GAK: variants seen among roughly 807,000 people sequenced by gnomAD.
GAK encodes the protein cyclin G associated kinase.
Under a neutral mutation model 143.9 loss-of-function variants are expected in GAK, and 79 were observed. The observed-to-expected ratio is 0.55, with a 90% CI of 0.46 to 0.66. GAK has a LOEUF of 0.66. GAK is among the 30% of genes least tolerant of loss of function. The pLI is 0.00. For synonymous variants in GAK, 881 were observed against 765.5 expected, an observed-to-expected ratio of 1.15 and a Z score of -2.49; for missense variants, 1,693 against 1,779.7, an observed-to-expected ratio of 0.95 and a Z score of 0.88.
At chr4:930,168 A>C (rs987835624) in intron 1 of GAK, among the ~76,000 whole-genome samples, 1 of 152,126 alleles carries the variant, frequency 6.6e-6, no homozygotes, top group Non-Finnish European at 1.5e-5. Flanking sequence ...TTCAGACAAA[A>C]CTTAATTAAG....
intron 18 of GAK, among the ~76,000 whole-genome samples, chr4:874,209 G>A (rs1263471401): frequency 6.6e-6 from 1 of 152,142 alleles, no homozygotes; most frequent in African/African-American, 2.4e-5. Flanking sequence ...CGCACGCGCT[G>A]GTGCTCCTGC....
At chr4:924,689 T>A (rs1724420998) in intron 1 of GAK, among the ~76,000 whole-genome samples, 1 of 152,208 alleles carries the variant, frequency 6.6e-6, no homozygotes, top group East Asian at 1.9e-4. Context: ...GACCGGATTA[T>A]GGGGCGGAGT....
chr4:917,221 A>G (rs897739724), intron 1 of GAK, among the ~76,000 whole-genome samples: 15 of 152,236 alleles, frequency 9.9e-5, no homozygotes, highest in Non-Finnish European at 4.4e-5. Context: ...TGGTAACAGA[A>G]GGCCAATGCC....
chr4:889,381 C>A (rs1256263106), intron 10 of GAK, among the ~76,000 whole-genome samples: 1 of 152,196 alleles, frequency 6.6e-6, no homozygotes, highest in Non-Finnish European at 1.5e-5. Flanking sequence ...AGAGTGGTGG[C>A]CCCTGGCCTG....
intron 5 of GAK, among the ~76,000 whole-genome samples, chr4:902,475 G>A (rs186240547): frequency 2.0e-5 from 3 of 151,184 alleles, no homozygotes; most frequent in Non-Finnish European, 2.9e-5. Context: ...CGTGGTGTGC[G>A]CCTGTGGTCC....
At position 932,146 on chromosome 4, in the gene GAK, T is replaced by C. The variant is rs376971594; in HGVS notation, c.42A>G (p.Pro14=). 18 of 1,581,074 alleles carry C rather than the reference T, an allele frequency of 1.1e-5. No individual in the cohort carries two copies. Among genetic ancestry groups the C allele is most frequent in the African/African-American group, 9.5e-5 (7 of 73,528 alleles). Residue 14 remains proline, a synonymous_variant, in exon 1 of 28, where the codon CCA becomes CCG. Transcript: ENST00000314167. This position sits in a 1 kb window ranked among gnomAD's most constrained non-coding sequence, Gnocchi z 4.0. Reference sequence around the variant, plus strand: ...GGCCGGAAGCACCGCCCAGGGAGCCTGGACCCGCCAAGAAGTCGAGCGCCG... The same window carrying C: ...GGCCGGAAGCACCGCCCAGGGAGCCCGGACCCGCCAAGAAGTCGAGCGCCG... ...LQSALDFLAG[P]GSLGGASGRD... is the part of the protein sequence containing the mutation.
At chr4:895,900 G>T (rs912751242) in intron 7 of GAK, among the ~76,000 whole-genome samples, 2 of 152,176 alleles carry the variant, frequency 1.3e-5, no homozygotes, top group South Asian at 2.1e-4. Flanking sequence ...CGGGGCCGAG[G>T]GGAGCCTCAG....
In GAK at chr4:916,718, G is replaced by A. The variant is rs181028585; in HGVS notation, c.146-3050C>T. Among the ~76,000 whole-genome samples, 71 of 152,290 alleles carry A rather than the reference G, an allele frequency of 4.7e-4. 1 individual carries two copies. Among genetic ancestry groups the A allele is most frequent in the Admixed American group, 9.8e-4 (15 of 15,296 alleles). On this transcript the variant is annotated intron_variant, in intron 1 of 27. Coordinates refer to ENST00000314167, the MANE Select transcript of GAK (RefSeq NM_005255.4). Reference sequence around the variant, plus strand: ...CCAAGTGTCGCTGAGGATGTGGAGCGACTGGAATGCTTATGCACAGCTTTT... The same window carrying A: ...CCAAGTGTCGCTGAGGATGTGGAGCAACTGGAATGCTTATGCACAGCTTTT...
At position 882,040 on chromosome 4, in the gene GAK, C is replaced by T. The variant is rs1715231993; in HGVS notation, c.1528G>A (p.Asp510Asn). 4 of 1,602,470 alleles carry T rather than the reference C, an allele frequency of 2.5e-6. No individual in the cohort carries two copies. The highest frequency in any genetic ancestry group is 2.6e-6 in the Non-Finnish European group (3 of 1,174,722). ...HKNVCVVHCM[D>N]GRAASAVAVC... Reference sequence around the variant, plus strand: ...GCCACAGCAGACGCGGCTCTCCCGTCCTAGGACAGACAGACACGTCTCGCG... The same window carrying T: ...GCCACAGCAGACGCGGCTCTCCCGTTCTAGGACAGACAGACACGTCTCGCG... Residue 510 changes from aspartate (D) to asparagine (N), a missense_variant and splice_region_variant, in exon 15 of 28, where the codon GAC (aspartate) becomes AAC (asparagine). This residue lies in a region of GAK where 871 missense variants were observed against 991.0 expected (regional missense o/e 0.88). Transcript: ENST00000314167.
chr4:854,774 G>A (rs994278435), intron 24 of GAK, among the ~76,000 whole-genome samples: 1 of 152,182 alleles, frequency 6.6e-6, no homozygotes, highest in African/African-American at 2.4e-5. Flanking sequence ...GGCTGGGTGC[G>A]GTGGCTCACG....
At chr4:899,637 G>A (rs1719484185) in intron 5 of GAK, among the ~76,000 whole-genome samples, 1 of 152,242 alleles carries the variant, frequency 6.6e-6, no homozygotes, top group Admixed American at 6.5e-5. Flanking sequence ...ACCCAGGACA[G>A]GCTGAGGGAG....
chr4:889,018 T>G (rs1717121477), intron 10 of GAK, 48 bp from the exon 11 acceptor site: 2 of 1,561,878 alleles, frequency 1.3e-6, no homozygotes, highest in Non-Finnish European at 1.7e-6. Context: ...CGGTCCCACC[T>G]CCCCAGGTGC....
At chr4:861,562 G>A (rs1005520114) in intron 23 of GAK, among the ~76,000 whole-genome samples, 1 of 152,170 alleles carries the variant, frequency 6.6e-6, no homozygotes, top group South Asian at 2.1e-4. Flanking sequence ...CTGCACTCCA[G>A]CCACAACAAG....
At chr4:904,839 A>AG (rs1352724325) in intron 4 of GAK, 60 bp from the exon 5 acceptor site, 1 of 1,552,514 alleles carries the variant, frequency 6.4e-7, no homozygotes, top group Non-Finnish European at 8.8e-7. Flanking sequence ...CAGGGAACCT[A>AG]GGGCTGTTTC....
intron 7 of GAK, chr4:894,268 CGTT>C (rs1718312895): frequency 3.9e-6 from 1 of 256,794 alleles, no homozygotes. Context: ...GCAGGGGTGA[CGTT>C]GGGGCCGTGG....
At chr4:849,838 C>T in intron 27 of GAK, 54 bp downstream of exon 27, 4 of 1,104,914 alleles carry the variant, frequency 3.6e-6, no homozygotes, top group Non-Finnish European at 1.3e-6. Flanking sequence ...GGCAGGACCC[C>T]CCCCCCGCCC....
Position 878,575 on chromosome 4 carries a change from G to A in GAK, c.1662-766C>T, listed in dbSNP as rs570490741. On this transcript the variant is annotated intron_variant, in intron 15 of 27. Coordinates refer to ENST00000314167, the MANE Select transcript of GAK (RefSeq NM_005255.4). ...TCAGCCTTCATGGGTTGGCACATTC[G>A]GTTCTTCTATATCCCTGCTGGTGGT... Among the ~76,000 whole-genome samples, 45 of 152,278 alleles carry A rather than the reference G, an allele frequency of 3.0e-4. No homozygotes were observed. The South Asian group carries it at 9.3e-3, about 32-fold the overall frequency.
At chr4:930,151 G>C (rs994567870) in intron 1 of GAK, among the ~76,000 whole-genome samples, 4 of 152,210 alleles carry the variant, frequency 2.6e-5, no homozygotes, top group Non-Finnish European at 4.4e-5. Context: ...ATGTTCTAAG[G>C]TTGCTGTTCA....
intron 1 of GAK, among the ~76,000 whole-genome samples, chr4:920,612 C>T (rs1038299929): frequency 4.7e-5 from 7 of 147,894 alleles, no homozygotes; most frequent in South Asian, 4.4e-4. Context: ...GGCACAATCC[C>T]GGCTCACTGC....
Sources: gnomAD v4.1 joint callset for allele counts (sites outside exome capture counted in the v4.1 genomes callset) on GRCh38, gnomAD v4.1.1 for gene constraint, gnomAD v4.1.1 regional missense constraint, Gnocchi (gnomAD v3.1) non-coding constraint, MANE v1.5 for transcripts, NCBI Gene and HGNC (gene_info 2026-07-23, HGNC 2026-07-21) for gene names.